GPR180: variants seen among roughly 807,000 people sequenced by gnomAD.
The protein encoded by GPR180 is G protein-coupled receptor 180, also known as integral membrane protein GPR180.
GPR180 carries 53 observed loss-of-function variants against 52.6 expected under a neutral mutation model. That is an observed-to-expected ratio of 1.01 (90% confidence interval 0.81 to 1.27). The LOEUF (loss-of-function observed/expected upper bound fraction) is 1.27. Ranked by LOEUF, GPR180 falls within the 50% of genes most tolerant of loss-of-function variation. GPR180 has a pLI of 0.00. For synonymous variants in GPR180, 200 were observed against 193.1 expected (o/e 1.04, Z -0.30); for missense variants, 533 against 527.0 (o/e 1.01, Z -0.11).
chr13:94,624,104 C>T (rs1426388822), intron 7 of GPR180, among the ~76,000 whole-genome samples: 2 of 152,168 alleles, frequency 1.3e-5, no homozygotes, highest in Non-Finnish European at 2.9e-5. Flanking sequence ...TTTATTCCTC[C>T]TTTCTTGACC....
At chr13:94,610,604 C>T (rs899150649) in intron 2 of GPR180, among the ~76,000 whole-genome samples, 2 of 152,208 alleles carry the variant, frequency 1.3e-5, no homozygotes, top group Non-Finnish European at 2.9e-5. Flanking sequence ...ACACCCAGAA[C>T]TTGAGACACT....
intron 2 of GPR180, among the ~76,000 whole-genome samples, chr13:94,608,358 C>T (rs1287158206): frequency 6.6e-6 from 1 of 152,184 alleles, no homozygotes; most frequent in Non-Finnish European, 1.5e-5. Context: ...TTAACAAAAC[C>T]TTCTGCTGTT....
At position 94,602,086 on chromosome 13, in the gene GPR180, CG is replaced by C; in HGVS notation, c.145+18del. The C allele has an allele frequency of 7.5e-7, 1 of 1,329,722 alleles. No individual in the cohort carries two copies. Among genetic ancestry groups the C allele is most frequent in the Non-Finnish European group, 9.6e-7 (1 of 1,037,480 alleles). The allele number at this position is 1,329,722 out of a possible 1,614,324, so 82.4% of individuals were successfully genotyped here. On this transcript the variant is annotated intron_variant, in intron 1 of 8. Coordinates refer to ENST00000376958, the MANE Select transcript of GPR180 (RefSeq NM_180989.6). Reference sequence around the variant, plus strand: ...TCGAGTTCCATGGTAGGTCTGGGGGCGGGGAGGGGGATGAAGGCGCGCTGGC... The same window carrying C: ...TCGAGTTCCATGGTAGGTCTGGGGGCGGGAGGGGGATGAAGGCGCGCTGGC...
In GPR180 at chr13:94,627,201, AT is replaced by A. The variant is rs372721554; in HGVS notation, c.*32del. 85 of 1,602,084 alleles carry A rather than the reference AT, an allele frequency of 5.3e-5. 3 individuals are homozygous for A. In the Middle Eastern group the frequency reaches 6.6e-4, roughly 12 times the overall value. On this transcript the variant is annotated 3_prime_UTR_variant, in exon 9 of 9. Coordinates refer to ENST00000376958, the MANE Select transcript of GPR180 (RefSeq NM_180989.6). Reference sequence around the variant, plus strand: ...TGATTTTTGTTGAGAGGAAAAGTGAATTGGTTAAAAGAGTGCAATAAGGATC... The same window carrying A: ...TGATTTTTGTTGAGAGGAAAAGTGAATGGTTAAAAGAGTGCAATAAGGATC...
At position 94,612,199 on chromosome 13, in the gene GPR180, A is replaced by T; in HGVS notation, c.314A>T (p.Asn105Ile). 1 of 1,614,020 alleles carries T rather than the reference A, an allele frequency of 6.2e-7. No individual in the cohort carries two copies. Among genetic ancestry groups the T allele is most frequent in the Non-Finnish European group, 8.5e-7 (1 of 1,179,904 alleles). Reference sequence around the variant, plus strand: ...TTCTTTCTCTTTAAAGTGACCATGAACCAGACCGAACATAATCTGACAGTG... The same window carrying T: ...TTCTTTCTCTTTAAAGTGACCATGATCCAGACCGAACATAATCTGACAGTG... ...LSKAQLTMTM[N>I]QTEHNLTVSQ... Residue 105 changes from asparagine (N) to isoleucine (I), a missense_variant, in exon 3 of 9, where the codon AAC becomes ATC. Transcript: ENST00000376958.
chr13:94,607,288 C>G (rs930400507), intron 2 of GPR180, among the ~76,000 whole-genome samples: 5 of 152,194 alleles, frequency 3.3e-5, no homozygotes, highest in Admixed American at 6.5e-5. Flanking sequence ...GTAACTAGAT[C>G]TTTCTAAATA....
At chr13:94,612,676 T>C (rs967430191) in intron 3 of GPR180, among the ~76,000 whole-genome samples, 2 of 152,232 alleles carry the variant, frequency 1.3e-5, no homozygotes, top group Non-Finnish European at 2.9e-5. Context: ...ATAGTTTTGT[T>C]TGTTTGCTTG....
At chr13:94,618,420 AT>A (rs570807308) in intron 3 of GPR180, among the ~76,000 whole-genome samples, 55 of 87,140 alleles carry the variant, frequency 6.3e-4, no homozygotes, top group Admixed American at 1.1e-3. Flanking sequence ...TCAGCACAGG[AT>A]TTTTTTTTTT....
In GPR180 at chr13:94,626,008, A is replaced by T. The variant is rs1472091730; in HGVS notation, c.1129A>T (p.Ile377Phe). Residue 377 changes from isoleucine (I) to phenylalanine (F), a missense_variant, in exon 8 of 9, where the codon ATT becomes TTT. Transcript: ENST00000376958. ...WFLCHPVLAC[I>F]SVIFSDYQRD... ...TTTATGCCATCCAGTTCTTGCATGCATTTCTGTCATTTTTAGCGACTACCA... is the reference window on the plus strand; with the variant it reads ...TTTATGCCATCCAGTTCTTGCATGCTTTTCTGTCATTTTTAGCGACTACCA... 2.5e-6 allele frequency: 4 copies of T among 1,611,686 alleles called. No homozygotes were observed. Among genetic ancestry groups the T allele is most frequent in the Non-Finnish European group, 3.4e-6 (4 of 1,178,544 alleles).
rs556303418 is a variant in GPR180 at position 94,601,902 on chromosome 13, G to A, written c.-26G>A. On this transcript the variant is annotated 5_prime_UTR_variant, in exon 1 of 9. Transcript: ENST00000376958. ...CAGCCGCCGGCGGCTGGGAGCCGAG[G>A]CGTCGGTGCAGACCTGGAGACGGGC... 9.3e-6 allele frequency: 13 copies of A among 1,392,214 alleles called. No homozygotes were observed. In the East Asian group the frequency reaches 3.0e-4, roughly 33 times the overall value. 86.2% of individuals were successfully genotyped at this position (1,392,214 alleles called of 1,614,324 possible). A position where few individuals can be genotyped will look rare whatever the true frequency, so the allele number is the denominator to read the frequency against.
rs530124128 is a variant in GPR180 at position 94,634,638 on chromosome 13, C to T, written c.*7467C>T. The stretch of plus-strand genomic sequence containing the variant: ...AGTTGTAATAAATTTCTGGTTGGCT[C>T]TCTTGTGTTTTCTAGGTAAACAACC... On this transcript the variant is annotated 3_prime_UTR_variant, in exon 9 of 9. Coordinates refer to ENST00000376958, the MANE Select transcript of GPR180 (RefSeq NM_180989.6). 2.6e-5 allele frequency: 4 copies of T among 152,072 alleles called. No individual in the cohort carries two copies. Among genetic ancestry groups the T allele is most frequent in the Admixed American group, 6.5e-5 (1 of 15,280 alleles). The allele number at this position is 152,072 out of a possible 1,614,324, so 9.4% of individuals were successfully genotyped here.
chr13:94,624,756 A>T (rs1277167868), intron 7 of GPR180, among the ~76,000 whole-genome samples: 6 of 152,110 alleles, frequency 3.9e-5, no homozygotes, highest in Non-Finnish European at 8.8e-5. Flanking sequence ...GTTAGCCAGG[A>T]TGCTCTCGAC....
chr13:94,632,622 T>G lies in GPR180; in HGVS notation c.*5451T>G, dbSNP rs1399433804. ...AATTTGCCAAGACTTCCTTCCCTCC[T>G]CCCAAAATGCCTCCACTCCAGGTTC... On this transcript the variant is annotated 3_prime_UTR_variant, in exon 9 of 9. Coordinates refer to ENST00000376958, the MANE Select transcript of GPR180 (RefSeq NM_180989.6). 1 of 152,178 alleles carries G rather than the reference T, an allele frequency of 6.6e-6. No homozygotes were observed. The highest frequency in any genetic ancestry group is 1.5e-5 in the Non-Finnish European group (1 of 68,052). 9.4% of individuals were successfully genotyped at this position (152,178 alleles called of 1,614,324 possible).
At chr13:94,609,414 GC>G (rs987956887) in intron 2 of GPR180, among the ~76,000 whole-genome samples, 3 of 152,144 alleles carry the variant, frequency 2.0e-5, no homozygotes, top group Non-Finnish European at 1.5e-5. Context: ...CGAAAAGACA[GC>G]AAGACAAAAA....
At chr13:94,625,353 T>G (rs1255832803) in intron 7 of GPR180, among the ~76,000 whole-genome samples, 1 of 152,218 alleles carries the variant, frequency 6.6e-6, no homozygotes, top group Non-Finnish European at 1.5e-5. Flanking sequence ...TTTTTCTATA[T>G]CTTGTTTTTT....
rs1039998364 is a variant in GPR180 at position 94,602,074 on chromosome 13, T to C, written c.145+2T>C. The C allele has an allele frequency of 8.7e-6, 12 of 1,376,656 alleles. No homozygotes were observed. Among genetic ancestry groups the C allele is most frequent in the Non-Finnish European group, 1.1e-5 (12 of 1,061,418 alleles). 85.3% of individuals were successfully genotyped at this position (1,376,656 alleles called of 1,614,324 possible). ...GCATCGGCCACTTCGAGTTCCATGG[T>C]AGGTCTGGGGGCGGGGAGGGGGATG... On this transcript the variant is annotated splice_donor_variant, in intron 1 of 8. Transcript: ENST00000376958. LOFTEE classifies it high-confidence loss of function.
chr13:94,601,931 G>T lies in GPR180; in HGVS notation c.4G>T (p.Gly2Trp). 1 of 1,490,080 alleles carries T rather than the reference G, an allele frequency of 6.7e-7. No individual in the cohort carries two copies. The highest frequency in any genetic ancestry group is 8.9e-7 in the Non-Finnish European group (1 of 1,125,216). The allele number at this position is 1,490,080 out of a possible 1,614,324, so 92.3% of individuals were successfully genotyped here. A position where few individuals can be genotyped will look rare whatever the true frequency, so the allele number is the denominator to read the frequency against. ...CGGTGCAGACCTGGAGACGGGCATG[G>T]GGGGGCTGCGGCTGCTGGCTGTGGC... The part of the protein sequence containing the change: M[G>W]GLRLLAVALT... Residue 2 changes from glycine to tryptophan, a missense_variant, in exon 1 of 9, where the codon GGG (glycine) becomes TGG (tryptophan). By Grantham distance (184) the Gly-to-Trp change is radical. Transcript: ENST00000376958.
At chr13:94,607,531 G>A (rs1351594801) in intron 2 of GPR180, among the ~76,000 whole-genome samples, 3 of 152,160 alleles carry the variant, frequency 2.0e-5, no homozygotes, top group Non-Finnish European at 4.4e-5. Context: ...CTCCTCCGTC[G>A]ATTAAGTTAA....
chr13:94,626,480 C>G (rs1019262390), intron 8 of GPR180, among the ~76,000 whole-genome samples: 2 of 152,102 alleles, frequency 1.3e-5, no homozygotes, highest in African/African-American at 4.8e-5. Context: ...GTGAATGGCT[C>G]CATCATTTCA....
Sources: gnomAD v4.1 joint callset for allele counts (sites outside exome capture counted in the v4.1 genomes callset) on GRCh38, gnomAD v4.1.1 for gene constraint, MANE v1.5 for transcripts, NCBI Gene and HGNC (gene_info 2026-07-23, HGNC 2026-07-21) for gene names.